The following SEC16B variants were observed in gnomAD, a reference collection of about 807,000 sequenced individuals.
SEC16B encodes the protein protein transport protein Sec16B.
A neutral mutation model predicts 141.8 loss-of-function variants in SEC16B; 115 were observed. The observed-to-expected ratio is 0.81, with a 90% CI of 0.70 to 0.95. SEC16B has a LOEUF of 0.95. SEC16B is among the 40% of genes least tolerant of loss of function. SEC16B has a pLI of 0.00. For missense variants in SEC16B, 1,291 were observed against 1,312.3 expected (o/e 0.98, Z 0.25); for synonymous variants, 493 against 492.5 (o/e 1.00, Z -0.01).
intron 1 of SEC16B, among the ~76,000 whole-genome samples, chr1:177,982,967 C>G (rs1654480982): frequency 6.6e-6 from 1 of 152,074 alleles, no homozygotes; most frequent in African/African-American, 2.4e-5. Context: ...ACCTTTCCAC[C>G]TATCAACATT....
chr1:177,960,407 G>A lies in SEC16B; in HGVS notation c.937-4C>T. On this transcript the variant is annotated splice_region_variant and splice_polypyrimidine_tract_variant and intron_variant, in intron 7 of 25. Transcript: ENST00000308284. ...CTTCGGAATCATTAAGAATAACCTGGAATAAAACAATCAGATTTTGTGTTT... is the reference window on the plus strand; with the variant it reads ...CTTCGGAATCATTAAGAATAACCTGAAATAAAACAATCAGATTTTGTGTTT... 6.3e-7 allele frequency: 1 copy of A among 1,587,292 alleles called. No homozygotes were observed. The highest frequency in any genetic ancestry group is 8.6e-7 in the Non-Finnish European group (1 of 1,162,104).
chr1:177,981,457 A>G lies in SEC16B; in HGVS notation c.-59+2749T>C, dbSNP rs141091576. 1.8e-3 allele frequency among the ~76,000 whole-genome samples: 275 copies of G among 152,334 alleles called. 2 individuals are homozygous for G. The highest frequency in any genetic ancestry group is 6.2e-3 in the African/African-American group (258 of 41,588). Reference sequence around the variant, plus strand: ...GATGTTTCTCACTGGGTTGACTGACATAACAGAATGTCAACCTACAGCAGC... The same window carrying G: ...GATGTTTCTCACTGGGTTGACTGACGTAACAGAATGTCAACCTACAGCAGC... On this transcript the variant is annotated intron_variant and NMD_transcript_variant, in intron 1 of 24. Transcript: ENST00000528461.
intron 16 of SEC16B, among the ~76,000 whole-genome samples, 179 bp downstream of exon 16, chr1:177,941,721 T>G (rs1054919133): frequency 3.9e-5 from 6 of 152,212 alleles, no homozygotes; most frequent in African/African-American, 1.4e-4. Flanking sequence ...TCCTTCTTTG[T>G]GTAGTGTTGG....
Position 177,944,265 on chromosome 1 carries a change from A to T in SEC16B, c.1881+296T>A, listed in dbSNP as rs1382996322. On this transcript the variant is annotated intron_variant, in intron 15 of 25. Coordinates refer to ENST00000308284, the MANE Select transcript of SEC16B (RefSeq NM_033127.4). Reference sequence around the variant, plus strand: ...GCTGTCTGGAGAGATGGGGAGAAGGAGCTGACAGCAGGAGTGAGGCACAGG... The same window carrying T: ...GCTGTCTGGAGAGATGGGGAGAAGGTGCTGACAGCAGGAGTGAGGCACAGG... Among the ~76,000 whole-genome samples the T allele has an allele frequency of 2.6e-5, 4 of 152,166 alleles. No individual in the cohort carries two copies. In the East Asian group the frequency reaches 5.8e-4, roughly 22 times the overall value.
intron 1 of SEC16B, among the ~76,000 whole-genome samples, chr1:177,983,596 C>T (rs754609216): frequency 5.9e-5 from 9 of 151,980 alleles, no homozygotes; most frequent in African/African-American, 1.7e-4. Flanking sequence ...ACTCTAAACA[C>T]GATTTCCAGG....
chr1:177,941,636 T>C (rs1651281871), intron 16 of SEC16B, among the ~76,000 whole-genome samples: 1 of 152,202 alleles, frequency 6.6e-6, no homozygotes, highest in Non-Finnish European at 1.5e-5. Context: ...GAAAAGCAGA[T>C]GCAAGAATGA....
Position 177,958,201 on chromosome 1 carries a change from G to C in SEC16B, c.1296C>G (p.Pro432=). 2 of 1,598,038 alleles carry C rather than the reference G, an allele frequency of 1.3e-6. No individual in the cohort carries two copies. The highest frequency in any genetic ancestry group is 1.7e-6 in the Non-Finnish European group (2 of 1,171,776). Residue 432 remains proline, a synonymous_variant, in exon 10 of 26, where the codon CCC becomes CCG. Coordinates refer to ENST00000308284, the MANE Select transcript of SEC16B (RefSeq NM_033127.4). The part of the protein sequence containing the change: ...GTPNLLTGEI[P]PSVETPAQIV... ...TCTGCGCAGGTGTCTCCACACTGGG[G>C]GGGATCTCTCCCGTGAGCAGGTTCG...
intron 8 of SEC16B, chr1:177,959,275 G>A: frequency 2.6e-6 from 1 of 391,450 alleles, no homozygotes; most frequent in East Asian, 5.9e-5. Flanking sequence ...AGACAACCCT[G>A]GATCTAAATC....
intron 20 of SEC16B, among the ~76,000 whole-genome samples, chr1:177,935,416 CAT>C (rs1027772541): frequency 5.3e-5 from 8 of 152,288 alleles, no homozygotes; most frequent in South Asian, 2.1e-4. Context: ...AGAAAAATCT[CAT>C]AGAGTGTTAA....
rs71108020 is a variant in SEC16B at position 177,948,922 on chromosome 1, TACACACACACAC to T, written c.1546-992_1546-981del. On this transcript the variant is annotated intron_variant, in intron 12 of 25. Coordinates refer to ENST00000308284, the MANE Select transcript of SEC16B (RefSeq NM_033127.4). ...TTAATCAATTACATGTAGGTATAAA[TACACACACACAC>T]ACACACACACACACACAGTTGGAAG... Among the ~76,000 whole-genome samples the T allele has an allele frequency of 4.0e-5, 6 of 149,370 alleles. No individual in the cohort carries two copies. The East Asian group carries it at 1.0e-3, about 25-fold the overall frequency.
chr1:177,932,668 C>A (rs750810841), intron 23 of SEC16B, 30 bp downstream of exon 23: 1 of 1,539,124 alleles, frequency 6.5e-7, no homozygotes, highest in Non-Finnish European at 8.7e-7. Flanking sequence ...GGGGACCACC[C>A]ATGGCCCAGA....
intron 10 of SEC16B, among the ~76,000 whole-genome samples, chr1:177,956,136 T>A (rs1324285767): frequency 5.9e-5 from 9 of 152,232 alleles, no homozygotes; most frequent in Non-Finnish European, 1.3e-4. Context: ...AATTTTTTTT[T>A]AATTTCATTA....
rs565264056 is a variant in SEC16B, at chr1:177,967,706, A to T, written c.276T>A (p.Gly92=). Residue 92 remains glycine (G), a synonymous_variant, in exon 2 of 26, where the codon GGT becomes GGA. Transcript: ENST00000308284. Reference sequence around the variant, plus strand: ...ACCTTGAATACAACTGATTGCGATAACCACCTTCGTAATAGTCAACTCCAG... The same window carrying T: ...ACCTTGAATACAACTGATTGCGATATCCACCTTCGTAATAGTCAACTCCAG... ...PVSGVDYYEG[G]YRNQLYSRPG... is the part of the protein sequence containing the mutation. 1.3e-5 allele frequency: 21 copies of T among 1,605,728 alleles called. No homozygotes were observed. In the Admixed American group the frequency reaches 3.0e-4, roughly 23 times the overall value.
At chr1:177,935,933 A>T (rs991020941) in intron 20 of SEC16B, among the ~76,000 whole-genome samples, 1 of 152,252 alleles carries the variant, frequency 6.6e-6, no homozygotes, top group African/African-American at 2.4e-5. Flanking sequence ...TTTGAAATAA[A>T]GCCAGGTAAA....
At chr1:177,972,310 T>C (rs1653994669), upstream of SEC16B, among the ~76,000 whole-genome samples, 1 of 152,202 alleles carries the variant, frequency 6.6e-6, no homozygotes, top group African/African-American at 2.4e-5. Flanking sequence ...TTAGGATTTA[T>C]CATTTCCTAC....
At chr1:177,972,706 A>G (rs527253406), upstream of SEC16B, among the ~76,000 whole-genome samples, 1 of 152,306 alleles carries the variant, frequency 6.6e-6, no homozygotes, top group African/African-American at 2.4e-5. Context: ...CTAGCTTCAA[A>G]CAAGAGTAAC....
chr1:177,934,529 C>G (rs1001997396), intron 20 of SEC16B, among the ~76,000 whole-genome samples: 1 of 152,038 alleles, frequency 6.6e-6, no homozygotes, highest in African/African-American at 2.4e-5. Flanking sequence ...GACTTTGTGC[C>G]GGGCACTGTT....
chr1:177,967,676 G>T lies in SEC16B; in HGVS notation c.299+7C>A. On this transcript the variant is annotated splice_region_variant and intron_variant, in intron 2 of 25. Coordinates refer to ENST00000308284, the MANE Select transcript of SEC16B (RefSeq NM_033127.4). ...AGTTGCATTCATTCCAAGCCCTAAA[G>T]CCATACCTTGAATACAACTGATTGC... 1 of 1,581,728 alleles carries T rather than the reference G, an allele frequency of 6.3e-7. No homozygotes were observed.
At chr1:177,953,531 G>A (rs1471411485) in intron 11 of SEC16B, among the ~76,000 whole-genome samples, 1 of 152,150 alleles carries the variant, frequency 6.6e-6, no homozygotes, top group Non-Finnish European at 1.5e-5. Context: ...GGCGGAGCCT[G>A]AAGGACTTAT....
Sources: allele counts gnomAD v4.1 joint callset (sites outside exome capture counted in the v4.1 genomes callset), GRCh38; gene constraint gnomAD v4.1.1; transcripts MANE v1.5; gene names NCBI Gene and HGNC (gene_info 2026-07-23, HGNC 2026-07-21).